The following KIF11 variants were observed in gnomAD, a reference collection of about 807,000 sequenced individuals.
KIF11 encodes the protein kinesin family member 11.
In KIF11, 9 loss-of-function variants were observed where a neutral mutation model predicts 121.0. That is an observed-to-expected ratio of 0.07 (90% CI 0.04 to 0.13). KIF11 has a LOEUF of 0.13. Ranked by LOEUF, KIF11 falls within the 10% of genes least tolerant of loss-of-function variation. The probability of loss-of-function intolerance (pLI) is 1.00; values close to 1 mark genes in which losing one functional copy is unlikely to be tolerated. For missense variants in KIF11, 846 were observed against 1,217.5 expected, an observed-to-expected ratio of 0.69 and a Z score of 4.54; for synonymous variants, 408 against 421.0, an observed-to-expected ratio of 0.97 and a Z score of 0.38.
chr10:92,599,972 A>G lies in KIF11; in HGVS notation c.78-6293A>G, dbSNP rs1370510315. Among the ~76,000 whole-genome samples the G allele has an allele frequency of 3.0e-5, 4 of 131,150 alleles. No homozygotes were observed. The South Asian group carries it at 7.1e-4, about 23-fold the overall frequency. The allele number at this position is 131,150 out of a possible 152,430, so 86.0% of individuals were successfully genotyped here. A position where few individuals can be genotyped will look rare whatever the true frequency, so the allele number is the denominator to read the frequency against. On this transcript the variant is annotated intron_variant, in intron 1 of 21. Transcript: ENST00000260731. ...GGCTTTTTTTTTTTTTTAATTAACT[A>G]TTGAACTTCTGTTTATTATTATTAT...
At chr10:92,594,153 G>C (rs1225266665) in intron 1 of KIF11, among the ~76,000 whole-genome samples, 1 of 152,162 alleles carries the variant, frequency 6.6e-6, no homozygotes, top group East Asian at 1.9e-4. Context: ...CAACTTTTTA[G>C]AGGCTCTCCA....
rs571995453 is a variant in KIF11, at chr10:92,610,540, T to TTG, written c.698+1044_698+1045dup. Among the ~76,000 whole-genome samples, 62 of 151,930 alleles carry TTG rather than the reference T, an allele frequency of 4.1e-4. 1 individual carries two copies. Among genetic ancestry groups the TTG allele is most frequent in the African/African-American group, 1.3e-3 (53 of 41,464 alleles). ...GTTTACTAAAACAGAAGTGGTTTTTTTGTGTGTGTGTGTGGTCTTTAAACC... is the reference window on the plus strand; with the variant it reads ...GTTTACTAAAACAGAAGTGGTTTTTTTGTGTGTGTGTGTGTGGTCTTTAAACC... On this transcript the variant is annotated intron_variant, in intron 6 of 21. Transcript: ENST00000260731.
intron 9 of KIF11, among the ~76,000 whole-genome samples, chr10:92,617,097 T>C (rs750254568): frequency 5.0e-4 from 76 of 152,244 alleles, no homozygotes; most frequent in Non-Finnish European, 1.0e-3. Flanking sequence ...ATTTGCATTT[T>C]TGAGGTATAA....
chr10:92,622,708 G>A (rs12254474), intron 10 of KIF11, among the ~76,000 whole-genome samples: 13,195 of 152,182 alleles, frequency 0.087, 644 homozygotes, highest in Middle Eastern at 0.11. Flanking sequence ...TACAATATGT[G>A]TATTAGTTTG....
intron 3 of KIF11, 33 bp from the exon 4 acceptor site, chr10:92,607,126 T>G (rs760064141): frequency 7.5e-7 from 1 of 1,327,216 alleles, no homozygotes; most frequent in Non-Finnish European, 1.1e-6. Flanking sequence ...GGTGCATGTT[T>G]CTTTTTGATT....
intron 12 of KIF11, among the ~76,000 whole-genome samples, chr10:92,632,192 G>C (rs1417070096): frequency 1.3e-5 from 2 of 151,282 alleles, no homozygotes; most frequent in Admixed American, 6.6e-5. Flanking sequence ...TTGAGACAGA[G>C]TCTCTCTCTG....
intron 4 of KIF11, among the ~76,000 whole-genome samples, chr10:92,608,717 G>A (rs551945587): frequency 6.6e-4 from 100 of 152,270 alleles, no homozygotes; most frequent in African/African-American, 2.2e-3. Flanking sequence ...GATTATAGGC[G>A]TGAGCCACCG....
intron 9 of KIF11, among the ~76,000 whole-genome samples, chr10:92,617,789 G>C (rs941834052): frequency 6.6e-6 from 1 of 151,542 alleles, no homozygotes; most frequent in African/African-American, 2.4e-5. Flanking sequence ...ACCCAGGCTG[G>C]AGTGCAGTGG....
At chr10:92,616,611 C>T (rs1844559872) in intron 8 of KIF11, 126 bp from the exon 9 acceptor site, 3 of 514,142 alleles carry the variant, frequency 5.8e-6, no homozygotes, top group Non-Finnish European at 1.0e-5. Context: ...GTCTTAATGA[C>T]TAGATTTTAA....
chr10:92,646,717 AT>A (rs947657559), intron 18 of KIF11, among the ~76,000 whole-genome samples: 1 of 152,222 alleles, frequency 6.6e-6, no homozygotes, highest in Non-Finnish European at 1.5e-5. Flanking sequence ...TATCAAATAT[AT>A]TAAAACTTAC....
At chr10:92,632,340 G>A (rs943550013) in intron 12 of KIF11, 146 bp from the exon 13 acceptor site, 9 of 570,284 alleles carry the variant, frequency 1.6e-5, no homozygotes, top group Non-Finnish European at 2.8e-5. Context: ...GCTAATTTTT[G>A]TATTTTTAGT....
intron 4 of KIF11, among the ~76,000 whole-genome samples, chr10:92,608,435 T>C (rs1379508557): frequency 6.6e-6 from 1 of 150,492 alleles, no homozygotes; most frequent in African/African-American, 2.5e-5. Context: ...GGCAGAATTA[T>C]TGAACTTGGC....
chr10:92,651,318 G>A (rs1442026176), intron 21 of KIF11, among the ~76,000 whole-genome samples: 2 of 151,334 alleles, frequency 1.3e-5, no homozygotes, highest in Admixed American at 1.3e-4. Context: ...GTGAGCCACT[G>A]TGCCCAGCCC....
At chr10:92,644,585 C>T (rs1285467238) in intron 17 of KIF11, among the ~76,000 whole-genome samples, 8 of 152,180 alleles carry the variant, frequency 5.3e-5, no homozygotes, top group Admixed American at 5.2e-4. Context: ...TCCCAAAGTG[C>T]TGGGATTAGA....
At chr10:92,643,983 CA>C (rs551682421) in intron 17 of KIF11, among the ~76,000 whole-genome samples, 24 of 152,200 alleles carry the variant, frequency 1.6e-4, no homozygotes, top group African/African-American at 5.3e-4. Flanking sequence ...TATGCTGAAT[CA>C]AAAAAGTATG....
chr10:92,605,482 ATTTTTTTT>A (rs58660991), intron 1 of KIF11, among the ~76,000 whole-genome samples: 3 of 98,308 alleles, frequency 3.1e-5, no homozygotes, highest in African/African-American at 4.1e-5. Flanking sequence ...ATTTGATCGG[ATTTTTTTT>A]TTTTTTTTTT....
chr10:92,636,514 G>C (rs1490957362), intron 14 of KIF11, among the ~76,000 whole-genome samples: 1 of 152,006 alleles, frequency 6.6e-6, no homozygotes, highest in East Asian at 1.9e-4. Context: ...TACTTGGGAG[G>C]CTGAGGCAGG....
chr10:92,623,439 A>G (rs1419320096), intron 10 of KIF11, among the ~76,000 whole-genome samples: 1 of 152,226 alleles, frequency 6.6e-6, no homozygotes, highest in Non-Finnish European at 1.5e-5. Context: ...TTAGGAAGCA[A>G]GACTTTCACA....
rs34357393 is a variant in KIF11 at position 92,648,108 on chromosome 10, C to CAAAAAAAAAAAAAAAAAAAAA, written c.2548-90_2548-89insAAAAAAAAAAAAAAAAAAAAA. 127 of 685,356 alleles carry CAAAAAAAAAAAAAAAAAAAAA rather than the reference C, an allele frequency of 1.9e-4. No homozygotes were observed. In the African/African-American group the frequency reaches 2.2e-3, roughly 12 times the overall value. 42.5% of individuals were successfully genotyped at this position (685,356 alleles called of 1,614,324 possible). ...TGGGCAACAGAGTGAGACTTGTCTC[C>CAAAAAAAAAAAAAAAAAAAAA]AAAAAAAAAAAAAATTATGGAAAAG... is the stretch of plus-strand genomic sequence containing the variant. On this transcript the variant is annotated intron_variant, in intron 18 of 21. Coordinates refer to ENST00000260731, the MANE Select transcript of KIF11 (RefSeq NM_004523.4).
Sources: allele counts gnomAD v4.1 joint callset (sites outside exome capture counted in the v4.1 genomes callset), GRCh38; gene constraint gnomAD v4.1.1; transcripts MANE v1.5; gene names NCBI Gene and HGNC (gene_info 2026-07-23, HGNC 2026-07-21).